Variants in ATXN7 observed in about 807,000 individuals in gnomAD.
ATXN7 encodes ataxin-7.
ATXN7 carries 12 observed loss-of-function variants against 70.5 expected under a neutral mutation model. The ratio of observed to expected loss-of-function variants is 0.17; its 90% CI spans 0.11 to 0.28. The LOEUF (loss-of-function observed/expected upper bound fraction) is 0.28. Among genes scored for constraint, ATXN7 ranks in the 10% least tolerant of loss-of-function variants. ATXN7 has a pLI of 1.00. For missense variants in ATXN7, 1,256 were observed against 1,131.7 expected (o/e 1.11, Z -1.58); for synonymous variants, 498 against 448.7 (o/e 1.11, Z -1.39).
At chr3:63,970,490 G>T (rs530144328) in intron 5 of ATXN7, among the ~76,000 whole-genome samples, 1 of 151,944 alleles carries the variant, frequency 6.6e-6, no homozygotes, top group East Asian at 1.9e-4. Flanking sequence ...CTATCATTCC[G>T]TATTTTTCAA....
At chr3:63,979,650 C>T (rs1004227847) in intron 5 of ATXN7, among the ~76,000 whole-genome samples, 1 of 152,048 alleles carries the variant, frequency 6.6e-6, no homozygotes, top group Admixed American at 6.6e-5. Flanking sequence ...CTCATGTTTA[C>T]GATGGTTGTC....
At chr3:63,992,233 C>T (rs868040972) in intron 11 of ATXN7, among the ~76,000 whole-genome samples, 6 of 152,288 alleles carry the variant, frequency 3.9e-5, no homozygotes, top group African/African-American at 7.2e-5. Context: ...GACTTACATC[C>T]GTTTCCTTAG....
At chr3:63,912,959 T>G in intron 3 of ATXN7, 36 bp downstream of exon 3, 28 of 1,036,500 alleles carry the variant, frequency 2.7e-5, no homozygotes, top group East Asian at 7.4e-5. Flanking sequence ...CTTCACCCCC[T>G]CGCGACCCCC....
chr3:63,931,599 C>T (rs1704965938), intron 4 of ATXN7, among the ~76,000 whole-genome samples: 1 of 152,110 alleles, frequency 6.6e-6, no homozygotes, highest in Non-Finnish European at 1.5e-5. Context: ...GCCTTTTTGT[C>T]TTCTCTTCAG....
chr3:63,913,748 C>G (rs145827730), intron 4 of ATXN7, among the ~76,000 whole-genome samples: 4 of 152,036 alleles, frequency 2.6e-5, no homozygotes, highest in Non-Finnish European at 4.4e-5. Flanking sequence ...GCCAATATCA[C>G]GGGGGAAAGA....
intron 2 of ATXN7, among the ~76,000 whole-genome samples, chr3:63,908,446 CA>C (rs1167689670): frequency 1.3e-5 from 2 of 152,160 alleles, no homozygotes; most frequent in Non-Finnish European, 2.9e-5. Flanking sequence ...AAAAAGAAAC[CA>C]AAGCCAACAC....
intron 4 of ATXN7, among the ~76,000 whole-genome samples, chr3:63,925,456 C>G (rs1464838739): frequency 1.3e-5 from 2 of 152,120 alleles, no homozygotes; most frequent in African/African-American, 4.8e-5. Context: ...CTCATAGGAG[C>G]ACAAACTCTG....
rs760493800 is a variant in ATXN7 at position 63,912,943 on chromosome 3, TC to T, written c.325+26del. 1 of 1,445,444 alleles carries T rather than the reference TC, an allele frequency of 6.9e-7. No homozygotes were observed. Among genetic ancestry groups the T allele is most frequent in the Non-Finnish European group, 9.3e-7 (1 of 1,073,184 alleles). The allele number at this position is 1,445,444 out of a possible 1,614,324, so 89.5% of individuals were successfully genotyped here. On this transcript the variant is annotated intron_variant, in intron 3 of 12. Transcript: ENST00000674280. ...AGGACGGTGAGTGTCCACGCCCTCC[TC>T]CCCCCTTCACCCCCTCGCGACCCCC...
chr3:63,967,929 G>A (rs1048335154), intron 5 of ATXN7: 16 of 1,535,810 alleles, frequency 1.0e-5, no homozygotes, highest in East Asian at 2.4e-5. Context: ...GTAGCAAGAC[G>A]CCTCTCCAAA....
Position 63,990,551 on chromosome 3 carries a change from G to T in ATXN7, c.1560+177G>T, listed in dbSNP as rs539119833. 6 of 1,178,684 alleles carry T rather than the reference G, an allele frequency of 5.1e-6. No homozygotes were observed. In the South Asian group the frequency reaches 7.2e-5, roughly 14 times the overall value. The allele number at this position is 1,178,684 out of a possible 1,614,324, so 73.0% of individuals were successfully genotyped here. Reference sequence around the variant, plus strand: ...ACACACTCTGTACGGGGGACATCTCGTGCTTTTTTCCCTTTCTCTTCCATG... The same window carrying T: ...ACACACTCTGTACGGGGGACATCTCTTGCTTTTTTCCCTTTCTCTTCCATG... On this transcript the variant is annotated intron_variant, in intron 10 of 12. Transcript: ENST00000674280.
At chr3:63,968,236 C>T in intron 5 of ATXN7, 1 of 411,976 alleles carries the variant, frequency 2.4e-6, no homozygotes, top group Non-Finnish European at 4.4e-6. Context: ...CAGGGATTAG[C>T]TGCTGCAAGC....
intron 5 of ATXN7, among the ~76,000 whole-genome samples, chr3:63,971,510 C>T (rs1457338684): frequency 1.3e-5 from 2 of 152,084 alleles, no homozygotes; most frequent in Non-Finnish European, 2.9e-5. Context: ...CTTGTCAGGC[C>T]ATATGTGAGT....
chr3:63,902,561 T>C (rs920277290), intron 2 of ATXN7, among the ~76,000 whole-genome samples: 2 of 152,166 alleles, frequency 1.3e-5, no homozygotes, highest in Non-Finnish European at 2.9e-5. Context: ...GTGGAGTCTT[T>C]GTAAGGGGGA....
Position 63,952,496 on chromosome 3 carries a change from C to A in ATXN7, c.499+13C>A. On this transcript the variant is annotated intron_variant, in intron 5 of 12. Coordinates refer to ENST00000674280, the MANE Select transcript of ATXN7 (RefSeq NM_001377405.1). ...CAATCACATTATGGTAAGTGCTTAA[C>A]CATTTAAAAAATTGTTAATAGAAGG... 1 of 1,564,420 alleles carries A rather than the reference C, an allele frequency of 6.4e-7. No homozygotes were observed. The highest frequency in any genetic ancestry group is 8.7e-7 in the Non-Finnish European group (1 of 1,148,538).
At chr3:63,864,600 C>T (rs1272815657) in intron 1 of ATXN7, 1 of 152,244 alleles carries the variant, frequency 6.6e-6, no homozygotes, top group Non-Finnish European at 1.5e-5. Flanking sequence ...CGGAGGAGTT[C>T]GCGAAGCGAC....
intron 4 of ATXN7, among the ~76,000 whole-genome samples, chr3:63,921,284 G>T (rs1704500991): frequency 6.6e-6 from 1 of 152,082 alleles, no homozygotes; most frequent in Non-Finnish European, 1.5e-5. Flanking sequence ...AGGTTATACA[G>T]ATGTTTTCCA....
At chr3:63,883,534 C>T (rs1265491910) in intron 1 of ATXN7, among the ~76,000 whole-genome samples, 5 of 148,886 alleles carry the variant, frequency 3.4e-5, no homozygotes, top group Non-Finnish European at 1.5e-5. Flanking sequence ...TTCATTTATT[C>T]CCAATTAAAA....
At chr3:63,988,379 A>G in intron 9 of ATXN7, 55 bp downstream of exon 9, 1 of 1,601,344 alleles carries the variant, frequency 6.2e-7, no homozygotes, top group Non-Finnish European at 8.5e-7. Context: ...ACTTGCAGAT[A>G]CTGTAAAATT....
At chr3:63,877,418 A>G (rs1702778987) in intron 1 of ATXN7, among the ~76,000 whole-genome samples, 1 of 152,250 alleles carries the variant, frequency 6.6e-6, no homozygotes, top group South Asian at 2.1e-4. Context: ...AAGTAAGGGT[A>G]GAAGAGTGGT....
Sources: gnomAD v4.1 joint callset for allele counts (sites outside exome capture counted in the v4.1 genomes callset) on GRCh38, gnomAD v4.1.1 for gene constraint, MANE v1.5 for transcripts, NCBI Gene and HGNC (gene_info 2026-07-23, HGNC 2026-07-21) for gene names.